Variants in ADCY2 observed in about 807,000 individuals in gnomAD.
The protein encoded by ADCY2 is adenylate cyclase type 2.
In ADCY2, 31 loss-of-function variants were observed where a neutral mutation model predicts 125.2. The ratio of observed to expected loss-of-function variants is 0.25; its 90% CI spans 0.19 to 0.33. The LOEUF (loss-of-function observed/expected upper bound fraction) is 0.33. Among genes scored for constraint, ADCY2 ranks in the 10% least tolerant of loss-of-function variants. ADCY2 has a pLI of 1.00. For missense variants in ADCY2, 904 were observed against 1,418.2 expected, an observed-to-expected ratio of 0.64 and a Z score of 5.82; for synonymous variants, 512 against 548.4, an observed-to-expected ratio of 0.93 and a Z score of 0.93.
intron 16 of ADCY2, among the ~76,000 whole-genome samples, chr5:7,762,419 C>T (rs918644774): frequency 6.6e-6 from 1 of 152,206 alleles, no homozygotes; most frequent in African/African-American, 2.4e-5. Flanking sequence ...TGAGCTCTGA[C>T]TGTGTGAGGC....
At chr5:7,434,934 C>A (rs1201376951) in intron 2 of ADCY2, among the ~76,000 whole-genome samples, 1 of 152,202 alleles carries the variant, frequency 6.6e-6, no homozygotes, top group Non-Finnish European at 1.5e-5. Context: ...TTACTTTCAT[C>A]CAAATGCCAA....
At chr5:7,454,009 C>CT (rs1178949351) in intron 2 of ADCY2, among the ~76,000 whole-genome samples, 1 of 152,170 alleles carries the variant, frequency 6.6e-6, no homozygotes, top group Non-Finnish European at 1.5e-5. Flanking sequence ...AGGGAGACTG[C>CT]TTTTCCCTGG....
intron 18 of ADCY2, among the ~76,000 whole-genome samples, chr5:7,775,970 T>A (rs1743710371): frequency 6.6e-6 from 1 of 152,076 alleles, no homozygotes. Flanking sequence ...GGGAGACCCT[T>A]AAGAGTGGGA....
chr5:7,464,362 G>A (rs1742028934), intron 2 of ADCY2, among the ~76,000 whole-genome samples: 1 of 152,118 alleles, frequency 6.6e-6, no homozygotes, highest in Non-Finnish European at 1.5e-5. Flanking sequence ...CATTCTATAA[G>A]GTGCCAAACA....
At chr5:7,754,682 A>G (rs904557286) in intron 15 of ADCY2, among the ~76,000 whole-genome samples, 1 of 150,500 alleles carries the variant, frequency 6.6e-6, no homozygotes, top group Admixed American at 6.7e-5. Context: ...AGGTTGGTGC[A>G]AAAGTAGTTG....
Position 7,555,100 on chromosome 5 carries a change from A to G in ADCY2, c.570+34201A>G, listed in dbSNP as rs146912521. On this transcript the variant is annotated intron_variant, in intron 3 of 24. Transcript: ENST00000338316. Reference sequence around the variant, plus strand: ...ACTGAATTCATCAATGTCCCTTTCTATATTTGAACTGTTTTAAGATACATC... The same window carrying G: ...ACTGAATTCATCAATGTCCCTTTCTGTATTTGAACTGTTTTAAGATACATC... Among the ~76,000 whole-genome samples, 524 of 152,248 alleles carry G rather than the reference A, an allele frequency of 3.4e-3. 2 individuals are homozygous for G. The highest frequency in any genetic ancestry group is 0.012 in the African/African-American group (498 of 41,546).
intron 4 of ADCY2, among the ~76,000 whole-genome samples, chr5:7,629,147 T>C (rs1579252715): frequency 6.6e-6 from 1 of 152,218 alleles, no homozygotes; most frequent in East Asian, 1.9e-4. Flanking sequence ...AGCATCCAAT[T>C]TAATGTACAC....
Position 7,437,115 on chromosome 5 carries a change from G to T in ADCY2, c.408+22345G>T, listed in dbSNP as rs1740833644. Among the ~76,000 whole-genome samples, 3 of 152,268 alleles carry T rather than the reference G, an allele frequency of 2.0e-5. No individual in the cohort carries two copies. In the East Asian group the frequency reaches 5.8e-4, roughly 29 times the overall value. On this transcript the variant is annotated intron_variant, in intron 2 of 24. Transcript: ENST00000338316. ...AGGTTGCAGGAACTCAGGCCAGGAGGTGTCATTAGGACACATTACAATGTG... is the reference window on the plus strand; with the variant it reads ...AGGTTGCAGGAACTCAGGCCAGGAGTTGTCATTAGGACACATTACAATGTG...
At chr5:7,652,571 T>C (rs1312649161) in intron 4 of ADCY2, among the ~76,000 whole-genome samples, 1 of 152,234 alleles carries the variant, frequency 6.6e-6, no homozygotes, top group Admixed American at 6.5e-5. Context: ...ATAATTGTTA[T>C]CAGTTGAATA....
intron 3 of ADCY2, among the ~76,000 whole-genome samples, chr5:7,561,985 C>T (rs940777235): frequency 6.6e-6 from 1 of 152,188 alleles, no homozygotes; most frequent in Non-Finnish European, 1.5e-5. Flanking sequence ...TTTCTGTATA[C>T]ATCCATAGAC....
chr5:7,806,604 A>G (rs1468789347), intron 22 of ADCY2, among the ~76,000 whole-genome samples: 1 of 151,174 alleles, frequency 6.6e-6, no homozygotes. Flanking sequence ...CATGGAGGGG[A>G]GAGAGAGAGA....
At chr5:7,539,651 C>T (rs1482654974) in intron 3 of ADCY2, among the ~76,000 whole-genome samples, 1 of 152,130 alleles carries the variant, frequency 6.6e-6, no homozygotes, top group Admixed American at 6.6e-5. Flanking sequence ...GTGCATGTTC[C>T]AGAACAGGGA....
At chr5:7,675,344 A>G (rs1010411158) in intron 4 of ADCY2, among the ~76,000 whole-genome samples, 3 of 152,198 alleles carry the variant, frequency 2.0e-5, no homozygotes, top group Admixed American at 2.0e-4. Context: ...TGAAATAAAC[A>G]TCTGGAAGTG....
chr5:7,761,148 C>CTTTTCTTTTCTTT (rs747191915), intron 16 of ADCY2, among the ~76,000 whole-genome samples: 1 of 88,162 alleles, frequency 1.1e-5, no homozygotes, highest in Non-Finnish European at 2.0e-5. Context: ...CTTTTCTTTT[C>CTTTTCTTTTCTTT]TTTTTTTTTT....
At chr5:7,756,699 T>C (rs1743003079) in intron 15 of ADCY2, among the ~76,000 whole-genome samples, 1 of 152,128 alleles carries the variant, frequency 6.6e-6, no homozygotes, top group East Asian at 1.9e-4. Context: ...GGGGAGTTGT[T>C]TTTCCATGGG....
chr5:7,664,073 C>T (rs1306239289), intron 4 of ADCY2, among the ~76,000 whole-genome samples: 1 of 152,176 alleles, frequency 6.6e-6, no homozygotes, highest in Non-Finnish European at 1.5e-5. Context: ...CAAAACCCTA[C>T]AAACTGGAAG....
At chr5:7,542,172 C>A (rs937181497) in intron 3 of ADCY2, among the ~76,000 whole-genome samples, 3 of 152,150 alleles carry the variant, frequency 2.0e-5, no homozygotes, top group East Asian at 3.9e-4. Flanking sequence ...GAGTCCCCCC[C>A]ATCAACCTAC....
At chr5:7,651,786 C>T (rs974630380) in intron 4 of ADCY2, among the ~76,000 whole-genome samples, 8 of 152,038 alleles carry the variant, frequency 5.3e-5, no homozygotes, top group African/African-American at 9.7e-5. Flanking sequence ...CCAACCTTCA[C>T]GTCTTTTTAT....
At chr5:7,528,027 T>G (rs1014654817) in intron 3 of ADCY2, among the ~76,000 whole-genome samples, 3 of 152,226 alleles carry the variant, frequency 2.0e-5, no homozygotes, top group Non-Finnish European at 2.9e-5. Flanking sequence ...TGTACCATTG[T>G]CCATTCTGTA....
Sources: gnomAD v4.1 joint callset for allele counts (sites outside exome capture counted in the v4.1 genomes callset) on GRCh38, gnomAD v4.1.1 for gene constraint, MANE v1.5 for transcripts, NCBI Gene and HGNC (gene_info 2026-07-23, HGNC 2026-07-21) for gene names.